The following GPC5 variants were observed in gnomAD, a reference collection of about 807,000 sequenced individuals.
GPC5 encodes glypican 5.
In GPC5, 47 loss-of-function variants were observed where a neutral mutation model predicts 53.9. The ratio of observed to expected loss-of-function variants is 0.87; its 90% CI spans 0.69 to 1.11. The LOEUF is 1.11. Ranked by LOEUF, GPC5 falls within the 50% of genes most tolerant of loss-of-function variation. The pLI, the probability that GPC5 is intolerant of heterozygous loss-of-function variation, is 0.00. For missense variants in GPC5, 748 were observed against 713.1 expected (o/e 1.05, Z -0.56); for synonymous variants, 286 against 263.3 (o/e 1.09, Z -0.84).
intron 2 of GPC5, among the ~76,000 whole-genome samples, chr13:91,549,708 G>A (rs1225526740): frequency 6.6e-6 from 1 of 152,088 alleles, no homozygotes; most frequent in Non-Finnish European, 1.5e-5. Context: ...ACAGAAGTGA[G>A]ATACTACTAC....
chr13:91,772,909 T>C (rs2037650001), intron 5 of GPC5, among the ~76,000 whole-genome samples: 1 of 152,142 alleles, frequency 6.6e-6, no homozygotes, highest in Non-Finnish European at 1.5e-5. Context: ...CCATCACAAT[T>C]ACTTTTTTGG....
chr13:92,448,866 AGAG>A, intron 7 of GPC5: 1 of 150,994 alleles, frequency 6.6e-6, no homozygotes, highest in Non-Finnish European at 1.5e-5. Flanking sequence ...TAATGGTATA[AGAG>A]AAATTCTTCA....
At chr13:92,455,971 A>G (rs1029499767) in intron 7 of GPC5, among the ~76,000 whole-genome samples, 1 of 152,342 alleles carries the variant, frequency 6.6e-6, no homozygotes, top group Admixed American at 6.5e-5. Flanking sequence ...ATTTGTTTCA[A>G]AAAGACCTTT....
At chr13:92,344,074 CTTCTAAGGT>C (rs149917835) in intron 7 of GPC5, among the ~76,000 whole-genome samples, 4 of 127,142 alleles carry the variant, frequency 3.1e-5, no homozygotes, top group Non-Finnish European at 6.8e-5. Context: ...GAAGAATTTC[CTTCTAAGGT>C]TTCTAGAAAT....
chr13:92,729,978 G>C (rs1651588011), intron 7 of GPC5, among the ~76,000 whole-genome samples: 1 of 151,330 alleles, frequency 6.6e-6, no homozygotes, highest in Non-Finnish European at 1.5e-5. Flanking sequence ...ATGCTAGAGG[G>C]ATTTGATACT....
chr13:91,577,765 A>G (rs2032192803), intron 2 of GPC5, among the ~76,000 whole-genome samples: 1 of 152,186 alleles, frequency 6.6e-6, no homozygotes, highest in African/African-American at 2.4e-5. Context: ...ATACAGCTCT[A>G]AAATGGGCAT....
At chr13:92,838,808 G>A (rs1878316727) in intron 7 of GPC5, among the ~76,000 whole-genome samples, 1 of 152,120 alleles carries the variant, frequency 6.6e-6, no homozygotes, top group Non-Finnish European at 1.5e-5. Flanking sequence ...TAAAAATAAA[G>A]TATCTACAAA....
chr13:91,866,497 T>A (rs1325982005), intron 5 of GPC5, among the ~76,000 whole-genome samples: 2 of 152,126 alleles, frequency 1.3e-5, no homozygotes, highest in African/African-American at 4.8e-5. Context: ...ACAAGAGATC[T>A]TGTTGTTTAA....
intron 7 of GPC5, among the ~76,000 whole-genome samples, chr13:92,846,649 T>G (rs1272716734): frequency 6.6e-6 from 1 of 152,022 alleles, no homozygotes; most frequent in East Asian, 1.9e-4. Context: ...TTAGTGAGAG[T>G]GAAATGAGAG....
intron 3 of GPC5, among the ~76,000 whole-genome samples, chr13:91,703,853 C>T (rs990544252): frequency 3.3e-5 from 5 of 152,128 alleles, no homozygotes; most frequent in African/African-American, 1.2e-4. Context: ...AGATTCTCTA[C>T]TTCTTCATGA....
chr13:92,806,173 A>G (rs1338816594), intron 7 of GPC5, among the ~76,000 whole-genome samples: 1 of 152,078 alleles, frequency 6.6e-6, no homozygotes, highest in East Asian at 1.9e-4. Context: ...TGCTGCTTCA[A>G]CCTTGCACTT....
intron 7 of GPC5, among the ~76,000 whole-genome samples, chr13:92,558,851 A>G (rs559925396): frequency 2.6e-4 from 40 of 152,102 alleles, no homozygotes; most frequent in African/African-American, 9.2e-4. Flanking sequence ...ATGACATACT[A>G]AACCCCCCGA....
At chr13:92,296,274 C>G (rs537175639) in intron 7 of GPC5, among the ~76,000 whole-genome samples, 1 of 152,006 alleles carries the variant, frequency 6.6e-6, no homozygotes, top group East Asian at 1.9e-4. Flanking sequence ...TTCCAGAGAG[C>G]ATCAGCTGTG....
intron 7 of GPC5, among the ~76,000 whole-genome samples, chr13:92,811,971 A>G (rs1029128322): frequency 5.3e-5 from 8 of 151,962 alleles, no homozygotes; most frequent in Admixed American, 1.3e-4. Flanking sequence ...ACATATGCCA[A>G]TATCACACTG....
At chr13:92,633,685 T>C (rs1251509390) in intron 7 of GPC5, among the ~76,000 whole-genome samples, 1 of 152,152 alleles carries the variant, frequency 6.6e-6, no homozygotes, top group Non-Finnish European at 1.5e-5. Context: ...AATTTATCAA[T>C]TAGTAATGAT....
chr13:92,781,862 C>G (rs968860123), intron 7 of GPC5, among the ~76,000 whole-genome samples: 2 of 152,182 alleles, frequency 1.3e-5, no homozygotes, highest in African/African-American at 2.4e-5. Context: ...AGCCAAGTAT[C>G]AGTGAGAAAT....
At chr13:92,389,424 C>A (rs887869178) in intron 7 of GPC5, among the ~76,000 whole-genome samples, 4 of 152,088 alleles carry the variant, frequency 2.6e-5, no homozygotes, top group Non-Finnish European at 5.9e-5. Flanking sequence ...ACCTTTCACA[C>A]AAAGCAACCC....
In GPC5 at chr13:92,601,714, T is replaced by C. The variant is rs546047900; in HGVS notation, c.1562-264568T>C. Among the ~76,000 whole-genome samples the C allele has an allele frequency of 8.5e-5, 13 of 152,156 alleles. 1 individual carries two copies. The highest frequency in any genetic ancestry group is 3.1e-4 in the African/African-American group (13 of 41,508). ...TATAATAAAATGCTTTATATGAATGTATTAATATGATATAGCCTAGTATTA... is the reference window on the plus strand; with the variant it reads ...TATAATAAAATGCTTTATATGAATGCATTAATATGATATAGCCTAGTATTA... On this transcript the variant is annotated intron_variant, in intron 7 of 7. Coordinates refer to ENST00000377067, the MANE Select transcript of GPC5 (RefSeq NM_004466.6).
chr13:91,571,963 GTATATATGTGTA>G (rs1222205049), intron 2 of GPC5, among the ~76,000 whole-genome samples: 4 of 137,024 alleles, frequency 2.9e-5, no homozygotes, highest in Non-Finnish European at 6.2e-5. Flanking sequence ...ACACATATAT[GTATATATGTGTA>G]TATATGTATA....
Sources: gnomAD v4.1 joint callset for allele counts (sites outside exome capture counted in the v4.1 genomes callset) on GRCh38, gnomAD v4.1.1 for gene constraint, MANE v1.5 for transcripts, NCBI Gene and HGNC (gene_info 2026-07-23, HGNC 2026-07-21) for gene names.